DLGAP2: variants seen among roughly 807,000 people sequenced by gnomAD.
DLGAP2 encodes DLG associated protein 2, also known as disks large-associated protein 2.
A neutral mutation model predicts 100.3 loss-of-function variants in DLGAP2; 26 were observed. The ratio of observed to expected loss-of-function variants is 0.26; its 90% CI spans 0.19 to 0.36. The LOEUF is 0.36. Ranked by LOEUF, DLGAP2 falls within the 10% of genes least tolerant of loss-of-function variation. DLGAP2 has a pLI of 1.00. For missense variants in DLGAP2, 1,858 were observed against 1,453.2 expected, an observed-to-expected ratio of 1.28 and a Z score of -4.53; for synonymous variants, 886 against 630.1, an observed-to-expected ratio of 1.41 and a Z score of -6.08.
chr8:1,509,129 G>A (rs1033816961), intron 4 of DLGAP2, among the ~76,000 whole-genome samples: 1 of 151,900 alleles, frequency 6.6e-6, no homozygotes, highest in African/African-American at 2.4e-5. Flanking sequence ...TCAGGAGATC[G>A]AGACCATCCT....
At chr8:1,579,198 G>T (rs1464060965) in intron 6 of DLGAP2, among the ~76,000 whole-genome samples, 3 of 152,094 alleles carry the variant, frequency 2.0e-5, no homozygotes, top group South Asian at 2.1e-4. Context: ...ATTCTCTAAT[G>T]AAGGTAGCAC....
intron 2 of DLGAP2, among the ~76,000 whole-genome samples, chr8:932,430 T>C (rs1798980281): frequency 6.6e-6 from 1 of 152,222 alleles, no homozygotes; most frequent in Non-Finnish European, 1.5e-5. Flanking sequence ...TAAATAAAAC[T>C]AGAGATGTCA....
At position 1,601,874 on chromosome 8, in the gene DLGAP2, G is replaced by C. The variant is rs1237674053; in HGVS notation, c.1443-24866G>C. Among the ~76,000 whole-genome samples, 3 of 151,856 alleles carry C rather than the reference G, an allele frequency of 2.0e-5. No homozygotes were observed. In the South Asian group the frequency reaches 6.2e-4, roughly 32 times the overall value. The stretch of plus-strand genomic sequence containing the variant: ...AGCTTAAATAGCACCTGTTCAGTGA[G>C]ACATTTTTTTCACCAGGCAATCTGA... On this transcript the variant is annotated intron_variant, in intron 6 of 14. Coordinates refer to ENST00000637795, the MANE Select transcript of DLGAP2 (RefSeq NM_001346810.2).
chr8:1,248,380 A>G (rs1798959057), intron 2 of DLGAP2: 1 of 80,664 alleles, frequency 1.2e-5, no homozygotes. Context: ...GGTGGCCGGG[A>G]AGACCTTTGA....
chr8:1,554,796 C>G (rs866012900), intron 5 of DLGAP2, among the ~76,000 whole-genome samples: 45 of 152,196 alleles, frequency 3.0e-4, no homozygotes, highest in African/African-American at 9.9e-4. Context: ...GCCCACCACC[C>G]TCACGGTATC....
intron 2 of DLGAP2, among the ~76,000 whole-genome samples, chr8:1,182,442 G>A (rs1301768348): frequency 6.6e-6 from 1 of 152,200 alleles, no homozygotes. Context: ...CACGTGTGAT[G>A]TCTGCATGAG....
chr8:776,646 G>A (rs1048689323), intron 1 of DLGAP2, among the ~76,000 whole-genome samples: 3 of 152,180 alleles, frequency 2.0e-5, no homozygotes, highest in Non-Finnish European at 4.4e-5. Context: ...CAGTTTCCAT[G>A]TAGCTGAGCG....
chr8:1,027,686 C>A (rs1446565369), intron 2 of DLGAP2, among the ~76,000 whole-genome samples: 1 of 124,374 alleles, frequency 8.0e-6, no homozygotes. Flanking sequence ...GGGTGCCAGG[C>A]GCCCGTTATT....
chr8:1,058,117 G>A lies in DLGAP2; in HGVS notation c.73+150151G>A, dbSNP rs371274023. ...GTGAGGATCACGTGGGGTTGCATGC[G>A]AGTGTATTCCCACAGGGGGCTTGGC... On this transcript the variant is annotated intron_variant, in intron 2 of 14. Transcript: ENST00000637795. 8.5e-5 allele frequency among the ~76,000 whole-genome samples: 13 copies of A among 152,288 alleles called. No homozygotes were observed. In the South Asian group the frequency reaches 2.7e-3, roughly 32 times the overall value.
At chr8:1,049,235 GT>G (rs1487593178) in intron 2 of DLGAP2, among the ~76,000 whole-genome samples, 3 of 152,192 alleles carry the variant, frequency 2.0e-5, no homozygotes, top group Non-Finnish European at 4.4e-5. Flanking sequence ...GAAATGGCAA[GT>G]TTTATGCAAA....
At chr8:1,490,313 A>C (rs1271532512) in intron 3 of DLGAP2, among the ~76,000 whole-genome samples, 1 of 152,236 alleles carries the variant, frequency 6.6e-6, no homozygotes, top group Non-Finnish European at 1.5e-5. Flanking sequence ...GAAGCACCTT[A>C]CGTGCGGGGT....
intron 2 of DLGAP2, among the ~76,000 whole-genome samples, chr8:1,222,319 T>C (rs1207617077): frequency 6.6e-6 from 1 of 152,184 alleles, no homozygotes; most frequent in East Asian, 1.9e-4. Flanking sequence ...CTCAGTCAGT[T>C]CACTTTATTT....
At chr8:1,662,253 A>C (rs1798424872) in intron 8 of DLGAP2, among the ~76,000 whole-genome samples, 1 of 152,260 alleles carries the variant, frequency 6.6e-6, no homozygotes, top group East Asian at 1.9e-4. Flanking sequence ...ATTTCATATA[A>C]TCTCCTCTTA....
intron 6 of DLGAP2, among the ~76,000 whole-genome samples, chr8:1,614,870 C>G (rs1472764157): frequency 6.6e-6 from 1 of 152,252 alleles, no homozygotes; most frequent in Admixed American, 6.5e-5. Context: ...CGCACACACA[C>G]ACACGCATGC....
chr8:1,580,359 C>G (rs1378696711), intron 6 of DLGAP2, among the ~76,000 whole-genome samples: 2 of 152,146 alleles, frequency 1.3e-5, no homozygotes, highest in African/African-American at 4.8e-5. Context: ...GGTGAGTCAT[C>G]AGCAGGCTCG....
intron 5 of DLGAP2, among the ~76,000 whole-genome samples, chr8:1,561,196 A>G (rs1475456060): frequency 6.6e-6 from 1 of 152,120 alleles, no homozygotes; most frequent in Non-Finnish European, 1.5e-5. Flanking sequence ...TTCTGCCATG[A>G]CTGCGAGGCC....
intron 2 of DLGAP2, among the ~76,000 whole-genome samples, chr8:946,821 T>C (rs1292433373): frequency 6.6e-6 from 1 of 152,206 alleles, no homozygotes; most frequent in African/African-American, 2.4e-5. Flanking sequence ...TACACACAGA[T>C]AGAAACAGCA....
At chr8:1,482,688 C>G (rs2066315287) in intron 3 of DLGAP2, among the ~76,000 whole-genome samples, 1 of 152,204 alleles carries the variant, frequency 6.6e-6, no homozygotes, top group African/African-American at 2.4e-5. Flanking sequence ...CACGGCCGCC[C>G]CGGCCAGCCT....
intron 1 of DLGAP2, among the ~76,000 whole-genome samples, chr8:810,266 C>G (rs1472053749): frequency 6.6e-6 from 1 of 152,214 alleles, no homozygotes; most frequent in African/African-American, 2.4e-5. Context: ...TCTTGCAATA[C>G]TTGACAATTT....
Sources: allele counts gnomAD v4.1 joint callset (sites outside exome capture counted in the v4.1 genomes callset), GRCh38; gene constraint gnomAD v4.1.1; transcripts MANE v1.5; gene names NCBI Gene and HGNC (gene_info 2026-07-23, HGNC 2026-07-21).